STRBP: variants seen among roughly 807,000 people sequenced by gnomAD.
STRBP encodes the protein spermatid perinuclear RNA-binding protein.
In STRBP, 13 loss-of-function variants were observed where a neutral mutation model predicts 80.1. The observed-to-expected ratio is 0.16, with a 90% CI of 0.11 to 0.26. STRBP has a LOEUF of 0.26. Among genes scored for constraint, STRBP ranks in the 10% least tolerant of loss-of-function variants. STRBP has a pLI of 1.00. For synonymous variants in STRBP, 284 were observed against 291.2 expected (o/e 0.98, Z 0.25); for missense variants, 485 against 815.2 (o/e 0.59, Z 4.93).
chr9:123,145,625 C>T (rs552645790), intron 13 of STRBP, among the ~76,000 whole-genome samples: 4 of 152,136 alleles, frequency 2.6e-5, no homozygotes, highest in Admixed American at 1.3e-4. Flanking sequence ...GTTCTTAAGA[C>T]GAGAGAGTGA....
At chr9:123,128,335 T>C in intron 17 of STRBP, 77 bp from the exon 18 acceptor site, 1 of 1,541,092 alleles carries the variant, frequency 6.5e-7, no homozygotes, top group Non-Finnish European at 9.0e-7. Context: ...AAGCACCACC[T>C]GCTCAGCACC....
At chr9:123,214,375 GACTATAAAT>G (rs1269715307) in intron 2 of STRBP, among the ~76,000 whole-genome samples, 1 of 152,156 alleles carries the variant, frequency 6.6e-6, no homozygotes, top group Non-Finnish European at 1.5e-5. Context: ...AGGGATAAAA[GACTATAAAT>G]CAGGTTCAGT....
At chr9:123,163,526 G>A (rs2037615652) in intron 6 of STRBP, among the ~76,000 whole-genome samples, 1 of 152,140 alleles carries the variant, frequency 6.6e-6, no homozygotes, top group South Asian at 2.1e-4. Flanking sequence ...CTGATAGTCA[G>A]AAAAGCAAAA....
chr9:123,180,917 G>A (rs558252417), intron 3 of STRBP: 123 of 984,540 alleles, frequency 1.2e-4, no homozygotes, highest in Middle Eastern at 1.0e-3. Context: ...GAAGTCCATC[G>A]CAAACTAAAA....
intron 2 of STRBP, among the ~76,000 whole-genome samples, chr9:123,200,958 C>T (rs7024773): frequency 0.096 from 14,512 of 151,532 alleles, 2,324 homozygotes; most frequent in African/African-American, 0.33. Context: ...CTGATTTAAT[C>T]TAGGAAGGTT....
chr9:123,173,256 C>T (rs915173542), intron 5 of STRBP, among the ~76,000 whole-genome samples: 2 of 152,164 alleles, frequency 1.3e-5, no homozygotes, highest in African/African-American at 4.8e-5. Flanking sequence ...ACTGAGTCTT[C>T]AGTTTTAAAA....
chr9:123,161,418 G>A (rs2037518161), intron 6 of STRBP, among the ~76,000 whole-genome samples: 2 of 152,016 alleles, frequency 1.3e-5, no homozygotes, highest in Non-Finnish European at 2.9e-5. Flanking sequence ...CCTTTGGCAG[G>A]ATGCAAAGAA....
chr9:123,212,300 G>A (rs185564257), intron 2 of STRBP, among the ~76,000 whole-genome samples: 2 of 152,116 alleles, frequency 1.3e-5, no homozygotes, highest in African/African-American at 2.4e-5. Context: ...CCTCTGACAC[G>A]GGTTCATGAG....
chr9:123,248,261 GTTTTT>G (rs1223848724), intron 1 of STRBP, among the ~76,000 whole-genome samples: 5 of 75,414 alleles, frequency 6.6e-5, no homozygotes, highest in Admixed American at 1.9e-4. Flanking sequence ...CCCCTATCGT[GTTTTT>G]TTTTTTTTTT....
At chr9:123,198,643 C>T (rs1248746293) in intron 2 of STRBP, among the ~76,000 whole-genome samples, 1 of 152,022 alleles carries the variant, frequency 6.6e-6, no homozygotes, top group East Asian at 1.9e-4. Flanking sequence ...CATGTGCTTT[C>T]GGGGTCTTAG....
At chr9:123,180,289 T>C (rs1435491060) in intron 3 of STRBP, among the ~76,000 whole-genome samples, 2 of 152,122 alleles carry the variant, frequency 1.3e-5, no homozygotes, top group Non-Finnish European at 1.5e-5. Context: ...TTTCATAATA[T>C]AGAATAATAC....
At position 123,158,449 on chromosome 9, in the gene STRBP, C is replaced by G. The variant is rs777922651; in HGVS notation, c.836-20G>C. The G allele has an allele frequency of 4.9e-5, 79 of 1,605,834 alleles. No individual in the cohort carries two copies. The highest frequency in any genetic ancestry group is 6.4e-5 in the Non-Finnish European group (75 of 1,173,642). On this transcript the variant is annotated intron_variant, in intron 9 of 18. Coordinates refer to ENST00000348403, the MANE Select transcript of STRBP (RefSeq NM_018387.5). ...GACCCCCTTTGGCAAAGGAAAAACA[C>G]AAGTATCATTTAGAACTGAGTTTAG...
intron 13 of STRBP, among the ~76,000 whole-genome samples, chr9:123,142,385 G>C (rs1349488762): frequency 6.6e-6 from 1 of 152,106 alleles, no homozygotes; most frequent in East Asian, 1.9e-4. Flanking sequence ...GGCCTCCCTA[G>C]AAGTCACTAT....
At chr9:123,177,577 A>C (rs1233454367) in intron 4 of STRBP, among the ~76,000 whole-genome samples, 1 of 152,182 alleles carries the variant, frequency 6.6e-6, no homozygotes, top group Non-Finnish European at 1.5e-5. Context: ...CTCTAAAAAA[A>C]TAAAAATAAA....
chr9:123,206,210 C>T (rs538210112), intron 2 of STRBP, among the ~76,000 whole-genome samples: 38 of 152,246 alleles, frequency 2.5e-4, no homozygotes, highest in African/African-American at 9.1e-4. Context: ...GAGAAATCTG[C>T]AAGTACATTC....
At chr9:123,196,356 G>T (rs1164398507) in intron 2 of STRBP, among the ~76,000 whole-genome samples, 1 of 152,012 alleles carries the variant, frequency 6.6e-6, no homozygotes, top group African/African-American at 2.4e-5. Context: ...GGCCACCAAG[G>T]CAAAAATGGA....
intron 17 of STRBP, among the ~76,000 whole-genome samples, chr9:123,131,528 CTTCT>C (rs1388475176): frequency 6.6e-6 from 1 of 152,220 alleles, no homozygotes; most frequent in Non-Finnish European, 1.5e-5. Context: ...CCATCCCAGT[CTTCT>C]TTGAGTTAAC....
intron 1 of STRBP, among the ~76,000 whole-genome samples, chr9:123,262,149 C>T (rs937324226): frequency 6.6e-6 from 1 of 152,136 alleles, no homozygotes; most frequent in African/African-American, 2.4e-5. Flanking sequence ...ATTCTTTACT[C>T]AAACCAGTAT....
intron 1 of STRBP, among the ~76,000 whole-genome samples, chr9:123,258,278 TATATC>T (rs1397908176): frequency 6.6e-6 from 1 of 152,036 alleles, no homozygotes; most frequent in Non-Finnish European, 1.5e-5. Flanking sequence ...ATAAGCAAAA[TATATC>T]ATAAGTGAAA....
Sources: allele counts gnomAD v4.1 joint callset (sites outside exome capture counted in the v4.1 genomes callset), GRCh38; gene constraint gnomAD v4.1.1; transcripts MANE v1.5; gene names NCBI Gene and HGNC (gene_info 2026-07-23, HGNC 2026-07-21).